The following NEK10 variants were observed in gnomAD, a reference collection of about 807,000 sequenced individuals.
The protein encoded by NEK10 is NIMA related kinase 10.
In NEK10, 122 loss-of-function variants were observed where a neutral mutation model predicts 159.8. The ratio of observed to expected loss-of-function variants is 0.76; its 90% CI spans 0.66 to 0.89. The LOEUF (loss-of-function observed/expected upper bound fraction) is 0.89. Among genes scored for constraint, NEK10 ranks in the 40% least tolerant of loss-of-function variants. The pLI is 0.00. For synonymous variants in NEK10, 466 were observed against 457.1 expected, an observed-to-expected ratio of 1.02 and a Z score of -0.25; for missense variants, 1,342 against 1,323.1, an observed-to-expected ratio of 1.01 and a Z score of -0.22.
intron 26 of NEK10, among the ~76,000 whole-genome samples, chr3:27,189,784 G>GT (rs1948954745): frequency 1.3e-5 from 2 of 152,052 alleles, no homozygotes; most frequent in Non-Finnish European, 2.9e-5. Flanking sequence ...AAATGAAAAT[G>GT]TATCAGTAGA....
chr3:27,134,220 C>T (rs1942946962), intron 31 of NEK10, among the ~76,000 whole-genome samples: 1 of 152,096 alleles, frequency 6.6e-6, no homozygotes, highest in Admixed American at 6.6e-5. Flanking sequence ...TAGAAACAGA[C>T]ATGAAGGTGA....
intron 13 of NEK10, among the ~76,000 whole-genome samples, chr3:27,301,436 T>C (rs3103745): frequency 0.4 from 60,701 of 152,064 alleles, 15,800 homozygotes; most frequent in African/African-American, 0.75. Context: ...ATAAAGCTAA[T>C]GTTTTGTATC....
chr3:27,283,480 G>A (rs185461961), intron 22 of NEK10, among the ~76,000 whole-genome samples: 1 of 152,240 alleles, frequency 6.6e-6, no homozygotes, highest in Admixed American at 6.5e-5. Flanking sequence ...TATTGGCAGT[G>A]TATTCTCAAA....
chr3:27,155,342 A>G (rs1420758836), intron 30 of NEK10, among the ~76,000 whole-genome samples: 1 of 151,892 alleles, frequency 6.6e-6, no homozygotes, highest in African/African-American at 2.4e-5. Flanking sequence ...TCTCTACTAA[A>G]AATACAAAAA....
intron 1 of NEK10, among the ~76,000 whole-genome samples, chr3:27,362,178 A>C (rs990853451): frequency 2.0e-5 from 3 of 152,202 alleles, no homozygotes; most frequent in Non-Finnish European, 2.9e-5. Context: ...GGGGGTGAAC[A>C]ACGGGCCTGG....
At chr3:27,362,527 C>T (rs2048761648) in intron 1 of NEK10, among the ~76,000 whole-genome samples, 1 of 151,798 alleles carries the variant, frequency 6.6e-6, no homozygotes, top group African/African-American at 2.4e-5. Flanking sequence ...GTAGCAGGAA[C>T]ACCAGAGGTA....
chr3:27,358,477 T>G (rs987751820), intron 1 of NEK10, among the ~76,000 whole-genome samples: 1 of 152,220 alleles, frequency 6.6e-6, no homozygotes, highest in Non-Finnish European at 1.5e-5. Flanking sequence ...CTATCCTCTA[T>G]TGTTTGAAAT....
At position 27,305,069 on chromosome 3, in the gene NEK10, C is replaced by T. The variant is rs1055801961; in HGVS notation, c.804-98G>A. 6 of 757,538 alleles carry T rather than the reference C, an allele frequency of 7.9e-6. No homozygotes were observed. In the African/African-American group the frequency reaches 1.0e-4, roughly 13 times the overall value. The allele number at this position is 757,538 out of a possible 1,614,324, so 46.9% of individuals were successfully genotyped here. ...TATCATCAGTGCATGAAATATAACC[C>T]TAACATTTTGTAAGTCATGGGTCAA... On this transcript the variant is annotated intron_variant, in intron 11 of 35. Coordinates refer to ENST00000691995, the MANE Select transcript of NEK10 (RefSeq NM_001394966.1).
At chr3:27,221,800 T>C (rs1952127279) in intron 23 of NEK10, among the ~76,000 whole-genome samples, 1 of 152,300 alleles carries the variant, frequency 6.6e-6, no homozygotes, top group African/African-American at 2.4e-5. Flanking sequence ...TAGGCTTCTC[T>C]GCTTTCCTAG....
rs1298112391 is a variant in NEK10 at position 27,110,921 on chromosome 3, CAA to C, written c.*349_*350del. The C allele has an allele frequency of 1.6e-5, 3 of 182,024 alleles. No individual in the cohort carries two copies. The highest frequency in any genetic ancestry group is 3.4e-5 in the Non-Finnish European group (3 of 88,364). 11.3% of individuals were successfully genotyped at this position (182,024 alleles called of 1,614,324 possible). A position where few individuals can be genotyped will look rare whatever the true frequency, so the allele number is the denominator to read the frequency against. ...TCAAATGTGCCTTTGAAAAATATGA[CAA>C]GTTTTTTTTAATGTTAAGGAAAATT... is the stretch of plus-strand genomic sequence containing the variant. On this transcript the variant is annotated 3_prime_UTR_variant, in exon 36 of 36. Coordinates refer to ENST00000691995, the MANE Select transcript of NEK10 (RefSeq NM_001394966.1).
In NEK10 at chr3:27,291,306, T is replaced by C. The variant is rs1255043420; in HGVS notation, c.1561A>G (p.Ile521Val). ...GCTCCACTTCCAAGATGATCCAAAA[T>C]TGCATAGTTGCCTATATATTTCAAA... ...APLKYIGNYAILDHLGSGAFG... is the reference protein window; with the variant it reads ...APLKYIGNYAVLDHLGSGAFG... The change falls in exon 18 of 36, where the codon ATT becomes GTT. Residue 521 changes from isoleucine to valine, a missense_variant. Coordinates refer to ENST00000691995, the MANE Select transcript of NEK10 (RefSeq NM_001394966.1). 2 of 1,613,638 alleles carry C rather than the reference T, an allele frequency of 1.2e-6. No homozygotes were observed. The highest frequency in any genetic ancestry group is 1.7e-6 in the Non-Finnish European group (2 of 1,179,764).
chr3:27,131,311 T>C (rs916666922), intron 32 of NEK10, among the ~76,000 whole-genome samples: 1 of 152,190 alleles, frequency 6.6e-6, no homozygotes, highest in Non-Finnish European at 1.5e-5. Flanking sequence ...GATTTTCCAA[T>C]ATCAAGTTTT....
At chr3:27,173,139 G>T (rs1007040001) in intron 28 of NEK10, among the ~76,000 whole-genome samples, 6 of 152,088 alleles carry the variant, frequency 3.9e-5, no homozygotes, top group Non-Finnish European at 7.4e-5. Flanking sequence ...TTATTTGTCA[G>T]GTTTGTTTAA....
At chr3:27,253,635 T>G (rs1955886040) in intron 23 of NEK10, among the ~76,000 whole-genome samples, 1 of 152,058 alleles carries the variant, frequency 6.6e-6, no homozygotes, top group South Asian at 2.1e-4. Context: ...TTTCTTCCAT[T>G]CAGTAAGTTA....
At chr3:27,283,576 C>A (rs2042358118) in intron 22 of NEK10, among the ~76,000 whole-genome samples, 1 of 152,032 alleles carries the variant, frequency 6.6e-6, no homozygotes. Context: ...AGTTAGTGAA[C>A]CATTAAAGTC....
intron 26 of NEK10, 22 bp downstream of exon 26, chr3:27,192,007 C>T (rs11926556): frequency 6.2e-6 from 10 of 1,606,530 alleles, no homozygotes; most frequent in South Asian, 4.4e-5. Flanking sequence ...CATCATGAAC[C>T]GATTGAAATA....
chr3:27,269,689 T>C (rs184307411), intron 22 of NEK10, among the ~76,000 whole-genome samples: 1 of 152,314 alleles, frequency 6.6e-6, no homozygotes, highest in Non-Finnish European at 1.5e-5. Flanking sequence ...ATATTTGCTG[T>C]ATTGTGGTGT....
At chr3:27,180,012 C>T (rs1010049053) in intron 26 of NEK10, among the ~76,000 whole-genome samples, 2 of 151,884 alleles carry the variant, frequency 1.3e-5, no homozygotes, top group African/African-American at 2.4e-5. Context: ...ACCTGGGAGG[C>T]GGAGGTTGCA....
chr3:27,133,832 G>A (rs983555966), intron 31 of NEK10, among the ~76,000 whole-genome samples: 4 of 152,108 alleles, frequency 2.6e-5, no homozygotes, highest in Non-Finnish European at 4.4e-5. Flanking sequence ...GTTAATTAGC[G>A]AAGAAATAAG....
Sources: allele counts gnomAD v4.1 joint callset (sites outside exome capture counted in the v4.1 genomes callset), GRCh38; gene constraint gnomAD v4.1.1; transcripts MANE v1.5; gene names NCBI Gene and HGNC (gene_info 2026-07-23, HGNC 2026-07-21).